SGCD: variants seen among roughly 807,000 people sequenced by gnomAD.
SGCD encodes sarcoglycan delta, also known as delta-sarcoglycan.
A neutral mutation model predicts 36.6 loss-of-function variants in SGCD; 18 were observed. That is an observed-to-expected ratio of 0.49 (90% confidence interval 0.34 to 0.73). The LOEUF (loss-of-function observed/expected upper bound fraction) is 0.73, where lower values mean the gene tolerates loss of function less well. SGCD is among the 30% of genes least tolerant of loss of function. The pLI is 0.01. For missense variants in SGCD, 387 were observed against 346.7 expected (o/e 1.12, Z -0.92); for synonymous variants, 133 against 130.6 (o/e 1.02, Z -0.12).
At chr5:156,100,237 C>T (rs973959537) in intron 1 of SGCD, among the ~76,000 whole-genome samples, 1 of 151,710 alleles carries the variant, frequency 6.6e-6, no homozygotes, top group Non-Finnish European at 1.5e-5. Flanking sequence ...AAAAAACATT[C>T]ATTCTGTTTA....
the SGCD span, among the ~76,000 whole-genome samples, chr5:155,801,572 A>C: frequency 6.6e-6 from 1 of 152,236 alleles, no homozygotes; most frequent in Admixed American, 6.5e-5. Context: ...AAGTGGTAGT[A>C]GCTGCTTTCC....
intron 1 of SGCD, among the ~76,000 whole-genome samples, chr5:155,988,375 T>G (rs1055831747): frequency 2.0e-5 from 3 of 152,122 alleles, no homozygotes; most frequent in Non-Finnish European, 4.4e-5. Flanking sequence ...TTTCTGCTTC[T>G]CATTGGCCAG....
intron 3 of SGCD, among the ~76,000 whole-genome samples, chr5:156,414,342 T>A (rs934051749): frequency 4.6e-5 from 7 of 152,206 alleles, no homozygotes; most frequent in African/African-American, 1.4e-4. Flanking sequence ...TAAATGTCCA[T>A]CAATTGGATA....
At chr5:156,175,493 A>G (rs926348937) in intron 3 of SGCD, among the ~76,000 whole-genome samples, 2 of 152,148 alleles carry the variant, frequency 1.3e-5, no homozygotes, top group Admixed American at 6.5e-5. Flanking sequence ...TCTCTGTTCT[A>G]CACTCAGAGC....
intron 3 of SGCD, among the ~76,000 whole-genome samples, chr5:156,226,118 ATGAG>A (rs1764850299): frequency 6.6e-6 from 1 of 152,046 alleles, no homozygotes; most frequent in Admixed American, 6.6e-5. Context: ...GTTTGGTTAC[ATGAG>A]TAAGTTCTTT....
intron 3 of SGCD, among the ~76,000 whole-genome samples, chr5:156,453,289 C>A (rs1326638079): frequency 6.6e-6 from 1 of 152,046 alleles, no homozygotes; most frequent in Non-Finnish European, 1.5e-5. Flanking sequence ...TGGACAATTT[C>A]TTCTTTATGT....
intron 3 of SGCD, among the ~76,000 whole-genome samples, chr5:156,153,987 A>C (rs2311450): frequency 6.6e-6 from 1 of 151,292 alleles, no homozygotes; most frequent in Non-Finnish European, 1.5e-5. Flanking sequence ...ATCTTTATAA[A>C]AGATGTACTG....
At chr5:156,312,854 T>TA (rs1767423214) in intron 3 of SGCD, among the ~76,000 whole-genome samples, 1 of 152,174 alleles carries the variant, frequency 6.6e-6, no homozygotes, top group African/African-American at 2.4e-5. Flanking sequence ...TGCACTCACT[T>TA]AACCAGCCCC....
chr5:156,192,301 T>C (rs1261626480), intron 3 of SGCD, among the ~76,000 whole-genome samples: 1 of 152,208 alleles, frequency 6.6e-6, no homozygotes, highest in Non-Finnish European at 1.5e-5. Context: ...TATTCCAGTA[T>C]ATATATACAA....
At chr5:156,213,728 C>T (rs751942217) in intron 3 of SGCD, among the ~76,000 whole-genome samples, 5 of 151,986 alleles carry the variant, frequency 3.3e-5, no homozygotes, top group Non-Finnish European at 5.9e-5. Context: ...CAACAAAATA[C>T]TAGCAAACTG....
intron 1 of SGCD, among the ~76,000 whole-genome samples, chr5:155,911,042 G>A (rs188228010): frequency 8.0e-4 from 122 of 152,088 alleles, no homozygotes; most frequent in African/African-American, 2.7e-3. Context: ...GAATGTTAGC[G>A]GAATAGCAAT....
chr5:156,638,628 G>T (rs900607521), intron 6 of SGCD, among the ~76,000 whole-genome samples: 1 of 152,112 alleles, frequency 6.6e-6, no homozygotes, highest in African/African-American at 2.4e-5. Context: ...GTTATACTGT[G>T]CAGTTTTATT....
At chr5:156,701,301 A>G (rs925203650) in intron 7 of SGCD, among the ~76,000 whole-genome samples, 8 of 152,220 alleles carry the variant, frequency 5.3e-5, no homozygotes, top group African/African-American at 1.9e-4. Context: ...AAATAAATAA[A>G]TAATATTCTT....
Position 156,759,285 on chromosome 5 carries a change from G to A in SGCD, c.768G>A (p.Thr256=), listed in dbSNP as rs376141942. The change falls in exon 9 of 9, where the codon ACG becomes ACA. Residue 256 remains threonine, a synonymous_variant. Transcript: ENST00000337851. ...LPHGSYTPTG[T]RQKVFEICVC... is the part of the protein sequence containing the mutation. ...ATGGATCCTACACGCCTACAGGAAC[G>A]AGGCAGAAGGTCTTCGAGATCTGCG... The A allele has an allele frequency of 9.9e-6, 16 of 1,613,410 alleles. No homozygotes were observed. The highest frequency in any genetic ancestry group is 6.7e-5 in the East Asian group (3 of 44,880).
intron 1 of SGCD, among the ~76,000 whole-genome samples, chr5:155,966,395 G>T (rs529667205): frequency 6.6e-6 from 1 of 152,216 alleles, no homozygotes; most frequent in Non-Finnish European, 1.5e-5. Flanking sequence ...TCTATAAAAT[G>T]AGGGCAATAC....
At chr5:156,603,575 A>C (rs1374693056) in intron 6 of SGCD, among the ~76,000 whole-genome samples, 2 of 152,012 alleles carry the variant, frequency 1.3e-5, no homozygotes, top group African/African-American at 4.8e-5. Flanking sequence ...CCTTCTTATG[A>C]CTGCTTTTGC....
At chr5:155,766,828 A>G in the SGCD span, among the ~76,000 whole-genome samples, 27 of 152,164 alleles carry the variant, frequency 1.8e-4, no homozygotes, top group African/African-American at 6.3e-4. Flanking sequence ...GGGTCACAGA[A>G]CAGTGCATGT....
intron 3 of SGCD, among the ~76,000 whole-genome samples, chr5:156,321,432 C>CAAACAAAT (rs1428571502): frequency 4.0e-5 from 6 of 151,754 alleles, no homozygotes; most frequent in African/African-American, 1.2e-4. Flanking sequence ...AATAAATAAA[C>CAAACAAAT]AAATAAATAA....
At chr5:155,885,472 A>G (rs1238054891) in intron 1 of SGCD, among the ~76,000 whole-genome samples, 2 of 113,920 alleles carry the variant, frequency 1.8e-5, no homozygotes, top group Admixed American at 1.0e-4. Context: ...TAAAAAAAAA[A>G]TAGTAAAAAT....
Sources: allele counts gnomAD v4.1 joint callset (sites outside exome capture counted in the v4.1 genomes callset), GRCh38; gene constraint gnomAD v4.1.1; transcripts MANE v1.5; gene names NCBI Gene and HGNC (gene_info 2026-07-23, HGNC 2026-07-21).